SPAG16: variants seen among roughly 807,000 people sequenced by gnomAD.
SPAG16 encodes the protein sperm associated antigen 16, also known as sperm-associated antigen 16 protein.
SPAG16 carries 86 observed loss-of-function variants against 80.4 expected under a neutral mutation model. The ratio of observed to expected loss-of-function variants is 1.07; its 90% CI spans 0.90 to 1.28. SPAG16 has a LOEUF of 1.28. SPAG16 is among the 50% of genes most tolerant of loss of function. The pLI is 0.00. For missense variants in SPAG16, 870 were observed against 765.3 expected, an observed-to-expected ratio of 1.14 and a Z score of -1.61; for synonymous variants, 294 against 265.9, an observed-to-expected ratio of 1.11 and a Z score of -1.03.
intron 15 of SPAG16, among the ~76,000 whole-genome samples, chr2:214,279,159 C>A (rs567615007): frequency 6.7e-6 from 1 of 149,670 alleles, no homozygotes; most frequent in African/African-American, 2.5e-5. Flanking sequence ...TGCAGTGGCA[C>A]GATCTCAGCT....
chr2:214,342,320 G>A (rs549933273), intron 15 of SPAG16, among the ~76,000 whole-genome samples: 1 of 152,304 alleles, frequency 6.6e-6, no homozygotes, highest in South Asian at 2.1e-4. Context: ...GAGGTGAAAG[G>A]TGGGTGAGCA....
At chr2:213,563,759 CTTGTTA>C (rs1455170251) in intron 10 of SPAG16, among the ~76,000 whole-genome samples, 2 of 152,184 alleles carry the variant, frequency 1.3e-5, no homozygotes, top group Non-Finnish European at 2.9e-5. Flanking sequence ...TCTCGTTTCT[CTTGTTA>C]TTGTTTTGTT....
chr2:213,638,660 A>G (rs918858864), intron 10 of SPAG16, among the ~76,000 whole-genome samples: 2 of 152,292 alleles, frequency 1.3e-5, no homozygotes, highest in African/African-American at 2.4e-5. Flanking sequence ...TTTGTGGCCT[A>G]TGATATGTCC....
At chr2:214,211,608 T>C (rs1203184850) in intron 15 of SPAG16, among the ~76,000 whole-genome samples, 1 of 152,172 alleles carries the variant, frequency 6.6e-6, no homozygotes, top group East Asian at 1.9e-4. Flanking sequence ...TTCACTGCCT[T>C]CTTGTGGTAG....
chr2:213,520,366 C>G (rs934680870), intron 10 of SPAG16, among the ~76,000 whole-genome samples: 37 of 151,908 alleles, frequency 2.4e-4, no homozygotes, highest in Admixed American at 1.7e-3. Context: ...GCGGGAAGAT[C>G]ACGAGGTCAG....
At chr2:214,001,825 T>G (rs2124881122) in intron 12 of SPAG16, among the ~76,000 whole-genome samples, 1 of 152,338 alleles carries the variant, frequency 6.6e-6, no homozygotes, top group Middle Eastern at 3.4e-3. Context: ...ACACACATTC[T>G]TATTTTACAT....
chr2:213,974,372 A>G (rs1014589673), intron 12 of SPAG16, among the ~76,000 whole-genome samples: 13 of 152,084 alleles, frequency 8.5e-5, no homozygotes, highest in African/African-American at 3.1e-4. Flanking sequence ...TTTGAAATCT[A>G]GGAACTCTTA....
chr2:213,309,569 A>G (rs1020661482), intron 3 of SPAG16, among the ~76,000 whole-genome samples: 1 of 151,946 alleles, frequency 6.6e-6, no homozygotes, highest in African/African-American at 2.4e-5. Flanking sequence ...CCTTTAGACA[A>G]TCCAATCACA....
At chr2:213,383,101 T>C (rs1575438712) in intron 9 of SPAG16, among the ~76,000 whole-genome samples, 1 of 152,174 alleles carries the variant, frequency 6.6e-6, no homozygotes, top group South Asian at 2.1e-4. Context: ...TATTTTCTGA[T>C]TGAATTCTTG....
intron 10 of SPAG16, among the ~76,000 whole-genome samples, chr2:213,807,580 G>A (rs542797829): frequency 3.0e-4 from 45 of 152,212 alleles, no homozygotes; most frequent in Non-Finnish European, 5.6e-4. Context: ...CAAAAGTGTC[G>A]AAAATGTGCT....
chr2:214,016,060 G>C (rs955896874), intron 13 of SPAG16, among the ~76,000 whole-genome samples: 4 of 152,110 alleles, frequency 2.6e-5, no homozygotes, highest in Non-Finnish European at 5.9e-5. Flanking sequence ...CTAGGAATGA[G>C]GGTTTTCCTG....
At chr2:214,153,980 C>T (rs1411529696) in intron 15 of SPAG16, among the ~76,000 whole-genome samples, 2 of 151,990 alleles carry the variant, frequency 1.3e-5, no homozygotes, top group Non-Finnish European at 2.9e-5. Context: ...ATTTATATCC[C>T]AAGTATTTGT....
intron 9 of SPAG16, among the ~76,000 whole-genome samples, chr2:213,479,343 TTTTTCTTTCTACTGCA>T (rs2073623466): frequency 6.6e-6 from 1 of 152,100 alleles, no homozygotes; most frequent in Admixed American, 6.6e-5. Context: ...CTTACACTGC[TTTTTCTTTCTACTGCA>T]TTTTTAATCT....
intron 13 of SPAG16, among the ~76,000 whole-genome samples, chr2:214,060,635 C>T (rs768487913): frequency 2.8e-4 from 42 of 152,062 alleles, no homozygotes; most frequent in Non-Finnish European, 8.8e-5. Context: ...GAGAGGTTTT[C>T]TTTGTTCTTG....
chr2:214,117,606 A>G (rs767251488), intron 14 of SPAG16, among the ~76,000 whole-genome samples: 2 of 152,224 alleles, frequency 1.3e-5, no homozygotes, highest in African/African-American at 2.4e-5. Flanking sequence ...AAAACTCTCA[A>G]GAAAACACTA....
chr2:214,018,794 T>C (rs1458353671), intron 13 of SPAG16, among the ~76,000 whole-genome samples: 2 of 152,150 alleles, frequency 1.3e-5, no homozygotes, highest in Admixed American at 1.3e-4. Context: ...TGGATTATAT[T>C]CCTATAAATT....
At chr2:213,988,363 T>C (rs139646755) in intron 12 of SPAG16, among the ~76,000 whole-genome samples, 2,646 of 152,122 alleles carry the variant, frequency 0.017, 86 homozygotes, top group African/African-American at 0.061. Context: ...TAAAACAAGA[T>C]CAATAAAATT....
At chr2:214,229,494 TTATA>T (rs1688541448) in intron 15 of SPAG16, among the ~76,000 whole-genome samples, 1 of 151,824 alleles carries the variant, frequency 6.6e-6, no homozygotes, top group South Asian at 2.1e-4. Flanking sequence ...GTATATATAT[TTATA>T]TGTGTATGTG....
intron 12 of SPAG16, among the ~76,000 whole-genome samples, chr2:213,997,658 TC>T (rs2046590163): frequency 6.6e-6 from 1 of 152,198 alleles, no homozygotes; most frequent in African/African-American, 2.4e-5. Flanking sequence ...AGGTGTCCAA[TC>T]TTTTGGCTTC....
Sources: allele counts gnomAD v4.1 joint callset (sites outside exome capture counted in the v4.1 genomes callset), GRCh38; gene constraint gnomAD v4.1.1; transcripts MANE v1.5; gene names NCBI Gene and HGNC (gene_info 2026-07-23, HGNC 2026-07-21).